Variants in SGCD observed in about 807,000 individuals in gnomAD.
SGCD encodes the protein sarcoglycan delta.
A neutral mutation model predicts 36.6 loss-of-function variants in SGCD; 18 were observed. The observed-to-expected ratio is 0.49, with a 90% CI of 0.34 to 0.73. The LOEUF is 0.73. SGCD is among the 30% of genes least tolerant of loss of function. The pLI is 0.01. For synonymous variants in SGCD, 133 were observed against 130.6 expected, an observed-to-expected ratio of 1.02 and a Z score of -0.12; for missense variants, 387 against 346.7, an observed-to-expected ratio of 1.12 and a Z score of -0.92.
At chr5:156,253,717 G>T (rs1299979105) in intron 3 of SGCD, among the ~76,000 whole-genome samples, 1 of 152,114 alleles carries the variant, frequency 6.6e-6, no homozygotes, top group Non-Finnish European at 1.5e-5. Flanking sequence ...TAAAGATGAA[G>T]TCAGTTAATT....
intron 3 of SGCD, among the ~76,000 whole-genome samples, chr5:156,143,940 A>G (rs946196753): frequency 1.6e-5 from 2 of 124,676 alleles, no homozygotes; most frequent in African/African-American, 6.4e-5. Context: ...TCCTGTGTCC[A>G]TGTTTTCTCA....
chr5:156,479,354 C>G (rs1473399046), intron 3 of SGCD, among the ~76,000 whole-genome samples: 2 of 152,146 alleles, frequency 1.3e-5, no homozygotes, highest in Non-Finnish European at 2.9e-5. Context: ...CCTCGGCCTC[C>G]CAAAGTGCTG....
intron 1 of SGCD, among the ~76,000 whole-genome samples, chr5:155,883,555 A>G (rs1172574109): frequency 6.6e-6 from 1 of 152,152 alleles, no homozygotes; most frequent in African/African-American, 2.4e-5. Flanking sequence ...TTGGTGGAAC[A>G]GTTCACAACA....
intron 3 of SGCD, among the ~76,000 whole-genome samples, chr5:156,283,561 T>C (rs1472069639): frequency 1.3e-5 from 2 of 152,214 alleles, no homozygotes; most frequent in African/African-American, 2.4e-5. Flanking sequence ...TGTGACATTC[T>C]TTATCTGCAT....
upstream of SGCD, among the ~76,000 whole-genome samples, chr5:155,869,609 A>G (rs1580961423): frequency 6.6e-6 from 1 of 151,898 alleles, no homozygotes; most frequent in East Asian, 1.9e-4. Context: ...TCTGTCACGT[A>G]CATGGCACAT....
intron 6 of SGCD, among the ~76,000 whole-genome samples, chr5:156,639,638 C>G (rs1290482504): frequency 1.1e-4 from 17 of 152,228 alleles, no homozygotes; most frequent in African/African-American, 4.1e-4. Flanking sequence ...CCACAACAGT[C>G]TGCCTTCAGC....
At chr5:155,799,823 T>TC in the SGCD span, among the ~76,000 whole-genome samples, 1 of 139,154 alleles carries the variant, frequency 7.2e-6, no homozygotes, top group African/African-American at 2.7e-5. Flanking sequence ...TTTTTTTTTT[T>TC]TTTTTTTTTT....
chr5:156,545,252 T>C (rs1051859266), intron 4 of SGCD, among the ~76,000 whole-genome samples: 1 of 152,174 alleles, frequency 6.6e-6, no homozygotes, highest in African/African-American at 2.4e-5. Context: ...AGTACCTTTT[T>C]TTCAATACAG....
At chr5:156,611,396 G>C (rs948865852) in intron 6 of SGCD, among the ~76,000 whole-genome samples, 17 of 152,064 alleles carry the variant, frequency 1.1e-4, no homozygotes, top group Non-Finnish European at 2.5e-4. Flanking sequence ...TTTTTTGGCT[G>C]ACAGTTATTA....
chr5:156,497,019 C>T (rs900286517), intron 3 of SGCD, among the ~76,000 whole-genome samples: 8 of 152,064 alleles, frequency 5.3e-5, no homozygotes, highest in African/African-American at 7.2e-5. Context: ...GTCTTGACTA[C>T]GTAAATGTTC....
At chr5:155,957,885 T>G (rs1449877810) in intron 1 of SGCD, among the ~76,000 whole-genome samples, 1 of 152,120 alleles carries the variant, frequency 6.6e-6, no homozygotes, top group East Asian at 1.9e-4. Flanking sequence ...GATGGAAACA[T>G]GAGTACGTCA....
At chr5:155,774,402 A>C in the SGCD span, among the ~76,000 whole-genome samples, 4 of 152,130 alleles carry the variant, frequency 2.6e-5, no homozygotes, top group South Asian at 2.1e-4. Context: ...GTGGTTTCCT[A>C]CTGTTGCTGT....
chr5:156,721,472 G>C (rs1368316710), intron 7 of SGCD, among the ~76,000 whole-genome samples: 1 of 152,208 alleles, frequency 6.6e-6, no homozygotes, highest in Non-Finnish European at 1.5e-5. Flanking sequence ...ATTGACTAAT[G>C]AAACTGGCAC....
rs573388481 is a variant in SGCD at position 155,995,904 on chromosome 5, A to C, written c.-281-121974A>C. 5.4e-5 allele frequency among the ~76,000 whole-genome samples: 8 copies of C among 148,880 alleles called. No homozygotes were observed. The South Asian group carries it at 1.5e-3, about 29-fold the overall frequency. On this transcript the variant is annotated intron_variant, in intron 1 of 9. Transcript: ENST00000517913. ...AATGGGAAACTTCTGTTCTTAAAGG[A>C]TGAAGTTCATATGAATGTATTTATC... is the stretch of plus-strand genomic sequence containing the variant.
chr5:155,902,737 G>C (rs1756417723), intron 1 of SGCD, among the ~76,000 whole-genome samples: 1 of 152,128 alleles, frequency 6.6e-6, no homozygotes, highest in Non-Finnish European at 1.5e-5. Flanking sequence ...TTGGTATATA[G>C]TACATGTTCA....
chr5:156,466,874 A>AT (rs954728337), intron 3 of SGCD, among the ~76,000 whole-genome samples: 15 of 151,982 alleles, frequency 9.9e-5, no homozygotes, highest in Non-Finnish European at 1.8e-4. Flanking sequence ...GCAATTTTTT[A>AT]TTTTTTTTAA....
At chr5:156,111,244 T>C (rs2127599428) in intron 1 of SGCD, among the ~76,000 whole-genome samples, 1 of 152,036 alleles carries the variant, frequency 6.6e-6, no homozygotes, top group Middle Eastern at 3.4e-3. Flanking sequence ...AGACAGAGAG[T>C]GACACTTCAC....
chr5:155,731,433 C>G, the SGCD span, among the ~76,000 whole-genome samples: 1 of 152,030 alleles, frequency 6.6e-6, no homozygotes, highest in East Asian at 1.9e-4. Context: ...TTTCGTAAAC[C>G]ATGCTGCCAT....
At chr5:156,392,331 A>C (rs1414155339) in intron 3 of SGCD, among the ~76,000 whole-genome samples, 3 of 152,228 alleles carry the variant, frequency 2.0e-5, no homozygotes, top group Non-Finnish European at 2.9e-5. Context: ...TACATGTGGC[A>C]AAAGGAAACT....
Sources: allele counts gnomAD v4.1 joint callset (sites outside exome capture counted in the v4.1 genomes callset), GRCh38; gene constraint gnomAD v4.1.1; transcripts MANE v1.5; gene names NCBI Gene and HGNC (gene_info 2026-07-23, HGNC 2026-07-21).